The following DCC variants were observed in gnomAD, a reference collection of about 807,000 sequenced individuals.
The protein encoded by DCC is netrin receptor DCC.
Under a neutral mutation model 172.5 loss-of-function variants are expected in DCC, and 58 were observed. The ratio of observed to expected loss-of-function variants is 0.34; its 90% CI spans 0.27 to 0.42. DCC has a LOEUF of 0.42. DCC is among the 10% of genes least tolerant of loss of function. The pLI, the probability that DCC is intolerant of heterozygous loss-of-function variation, is 1.00. For synonymous variants in DCC, 709 were observed against 644.5 expected (o/e 1.10, Z -1.52); for missense variants, 1,740 against 1,791.0 (o/e 0.97, Z 0.51).
rs1358622506 is a variant in DCC, at chr18:53,439,769, C to CTTTTTCTTT, written c.3229+4565_3229+4566insCTTTTTTTT. On this transcript the variant is annotated intron_variant, in intron 22 of 28. Transcript: ENST00000442544. ...TATGTGGTGATGTAGTAGTATTTTT[C>CTTTTTCTTT]TTTTTTTTTTTTTGAGACGGAGTCT... Among the ~76,000 whole-genome samples, 66 of 127,250 alleles carry CTTTTTCTTT rather than the reference C, an allele frequency of 5.2e-4. 1 individual carries two copies. Among genetic ancestry groups the CTTTTTCTTT allele is most frequent in the Admixed American group, 1.1e-3 (13 of 12,192 alleles). The allele number at this position is 127,250 out of a possible 152,430, so 83.5% of individuals were successfully genotyped here. A position where few individuals can be genotyped will look rare whatever the true frequency, so the allele number is the denominator to read the frequency against.
chr18:53,268,496 C>T (rs1015318915), intron 12 of DCC, among the ~76,000 whole-genome samples: 4 of 151,662 alleles, frequency 2.6e-5, no homozygotes, highest in African/African-American at 9.7e-5. Context: ...GATGAAATGC[C>T]TTCTTACATA....
intron 2 of DCC, among the ~76,000 whole-genome samples, chr18:52,771,733 T>G (rs28700210): frequency 0.11 from 16,593 of 152,156 alleles, 3,026 homozygotes; most frequent in African/African-American, 0.38. Flanking sequence ...AAAGGCCAAG[T>G]AGCACTGAAA....
chr18:52,912,759 G>T (rs1049493512), intron 3 of DCC, among the ~76,000 whole-genome samples: 2 of 151,866 alleles, frequency 1.3e-5, no homozygotes, highest in African/African-American at 4.8e-5. Context: ...AAGGGTGGAC[G>T]ACATCAGCGT....
intron 14 of DCC, among the ~76,000 whole-genome samples, chr18:53,330,614 T>G (rs1445013927): frequency 6.6e-6 from 1 of 152,172 alleles, no homozygotes; most frequent in Non-Finnish European, 1.5e-5. Context: ...TTCTTCTCCA[T>G]GTGGTCCTTC....
intron 12 of DCC, among the ~76,000 whole-genome samples, chr18:53,275,909 A>AT (rs59634512): frequency 0.094 from 14,224 of 152,074 alleles, 2,175 homozygotes; most frequent in African/African-American, 0.32. Context: ...TTAAAGCAGG[A>AT]TTTTTTAACA....
chr18:52,910,100 G>T (rs1229963697), intron 3 of DCC, among the ~76,000 whole-genome samples: 1 of 152,114 alleles, frequency 6.6e-6, no homozygotes, highest in East Asian at 1.9e-4. Flanking sequence ...GAATGCTACA[G>T]CGCTCATCCT....
At chr18:52,617,233 G>C (rs1423208366) in intron 1 of DCC, among the ~76,000 whole-genome samples, 2 of 152,240 alleles carry the variant, frequency 1.3e-5, no homozygotes, top group Admixed American at 6.5e-5. Flanking sequence ...TGATTATTAA[G>C]TGTCTATTAA....
At chr18:52,660,082 C>T (rs531714398) in intron 1 of DCC, among the ~76,000 whole-genome samples, 90 of 152,194 alleles carry the variant, frequency 5.9e-4, no homozygotes, top group African/African-American at 1.7e-3. Flanking sequence ...AATAAGAAAT[C>T]GGTTCTCTAG....
intron 28 of DCC, among the ~76,000 whole-genome samples, chr18:53,528,169 A>G (rs1251418510): frequency 6.6e-6 from 1 of 152,156 alleles, no homozygotes; most frequent in Non-Finnish European, 1.5e-5. Context: ...TTAAAAACAA[A>G]GAATCATTTC....
chr18:53,088,362 G>A (rs11663393), intron 7 of DCC, among the ~76,000 whole-genome samples: 59,545 of 151,938 alleles, frequency 0.39, 12,674 homozygotes, highest in Non-Finnish European at 0.47. Context: ...TCCCTTTGAA[G>A]CAATTGTGAA....
intron 1 of DCC, among the ~76,000 whole-genome samples, chr18:52,467,167 G>C (rs897440520): frequency 6.6e-6 from 1 of 151,984 alleles, no homozygotes; most frequent in Non-Finnish European, 1.5e-5. Flanking sequence ...ATCTACATTA[G>C]ATATTTCTCC....
intron 15 of DCC, among the ~76,000 whole-genome samples, chr18:53,372,483 A>T (rs2058069051): frequency 6.6e-6 from 1 of 152,028 alleles, no homozygotes; most frequent in South Asian, 2.1e-4. Context: ...GGGAGGGAGA[A>T]GATTAGAAAA....
At chr18:53,487,011 G>A in intron 26 of DCC, 53 bp downstream of exon 26, 2 of 1,609,560 alleles carry the variant, frequency 1.2e-6, no homozygotes, top group Non-Finnish European at 1.7e-6. Context: ...TAGCAAAGGT[G>A]TCTTGTAAAA....
chr18:52,484,410 A>C (rs1331797162), intron 1 of DCC, among the ~76,000 whole-genome samples: 1 of 152,074 alleles, frequency 6.6e-6, no homozygotes, highest in African/African-American at 2.4e-5. Flanking sequence ...CCCAATCCCT[A>C]CTTCAGGAGG....
intron 2 of DCC, among the ~76,000 whole-genome samples, chr18:52,891,827 C>G (rs918381804): frequency 6.6e-6 from 1 of 152,014 alleles, no homozygotes; most frequent in African/African-American, 2.4e-5. Context: ...TGTCTATTTC[C>G]TTTTGCCTTG....
intron 12 of DCC, among the ~76,000 whole-genome samples, chr18:53,300,873 GGAGAGTCTAGCTCTGCCTCTGCTCCAT>G (rs2057125993): frequency 6.6e-6 from 1 of 152,014 alleles, no homozygotes; most frequent in Admixed American, 6.6e-5. Flanking sequence ...CTATCTCCCT[GGAGAGTCTAGCTCTGCCTCTGCTCCAT>G]GACTGAAGCA....
chr18:53,112,295 A>G (rs1309799714), intron 7 of DCC, among the ~76,000 whole-genome samples: 1 of 151,576 alleles, frequency 6.6e-6, no homozygotes, highest in African/African-American at 2.4e-5. Context: ...AAAAAAGTCA[A>G]TAACTATGAA....
chr18:52,704,649 C>G (rs2036176708), intron 1 of DCC, among the ~76,000 whole-genome samples: 3 of 152,118 alleles, frequency 2.0e-5, no homozygotes, highest in Non-Finnish European at 4.4e-5. Flanking sequence ...TACAAACAAC[C>G]ACCAGCTATC....
chr18:52,343,818 C>G (rs12960128), intron 1 of DCC, among the ~76,000 whole-genome samples: 2 of 152,304 alleles, frequency 1.3e-5, no homozygotes, highest in Admixed American at 6.5e-5. Context: ...TCTTCTCATT[C>G]CCCCAACCAA....
Sources: gnomAD v4.1 joint callset for allele counts (sites outside exome capture counted in the v4.1 genomes callset) on GRCh38, gnomAD v4.1.1 for gene constraint, MANE v1.5 for transcripts, NCBI Gene and HGNC (gene_info 2026-07-23, HGNC 2026-07-21) for gene names.